Variants in HS6ST3 observed in about 807,000 individuals in gnomAD.
HS6ST3 encodes the protein heparan sulfate 6-O-sulfotransferase 3.
A neutral mutation model predicts 36.7 loss-of-function variants in HS6ST3; 12 were observed. The ratio of observed to expected loss-of-function variants is 0.33; its 90% CI spans 0.21 to 0.53. The LOEUF is 0.53. Among genes scored for constraint, HS6ST3 ranks in the 20% least tolerant of loss-of-function variants. The probability of loss-of-function intolerance (pLI) is 0.95; values close to 1 mark genes in which losing one functional copy is unlikely to be tolerated. For missense variants in HS6ST3, 584 were observed against 640.9 expected (o/e 0.91, Z 0.96); for synonymous variants, 240 against 257.5 (o/e 0.93, Z 0.65).
intron 1 of HS6ST3, among the ~76,000 whole-genome samples, chr13:96,174,010 A>G (rs1418605354): frequency 6.6e-6 from 1 of 151,484 alleles, no homozygotes; most frequent in African/African-American, 2.5e-5. Flanking sequence ...TCACCTGTTA[A>G]TACTACTTTT....
chr13:96,542,137 A>C (rs977270854), intron 1 of HS6ST3, among the ~76,000 whole-genome samples: 1 of 152,230 alleles, frequency 6.6e-6, no homozygotes, highest in Non-Finnish European at 1.5e-5. Context: ...TGTTTTAACA[A>C]TTACATAAGA....
chr13:96,284,726 T>C (rs999773606), intron 1 of HS6ST3, among the ~76,000 whole-genome samples: 1 of 152,078 alleles, frequency 6.6e-6, no homozygotes, highest in Non-Finnish European at 1.5e-5. Context: ...TTTTCTAAGG[T>C]TTTTGTAAAG....
intron 1 of HS6ST3, among the ~76,000 whole-genome samples, chr13:96,346,891 C>T (rs2055158142): frequency 1.3e-5 from 2 of 152,084 alleles, no homozygotes; most frequent in Non-Finnish European, 2.9e-5. Flanking sequence ...ATCATGACTG[C>T]TATCATGCTG....
At chr13:96,180,093 C>CTTTTAGGATG in intron 1 of HS6ST3, among the ~76,000 whole-genome samples, 1 of 152,140 alleles carries the variant, frequency 6.6e-6, no homozygotes, top group Admixed American at 6.5e-5. Context: ...CCTCAGCCTC[C>CTTTTAGGATG]CAAAGTGTTG....
At chr13:96,130,172 A>G (rs2053969001) in intron 1 of HS6ST3, among the ~76,000 whole-genome samples, 1 of 152,200 alleles carries the variant, frequency 6.6e-6, no homozygotes, top group Non-Finnish European at 1.5e-5. Context: ...AATTTATACT[A>G]GGGTTTTCAA....
chr13:96,821,995 T>C (rs797010133), intron 1 of HS6ST3, among the ~76,000 whole-genome samples: 154 of 152,376 alleles, frequency 1.0e-3, no homozygotes, highest in African/African-American at 3.1e-3. Context: ...TGGCTGGCAC[T>C]GAGCAATTAC....
chr13:96,110,537 C>T (rs867049782), intron 1 of HS6ST3, among the ~76,000 whole-genome samples: 18 of 151,474 alleles, frequency 1.2e-4, no homozygotes, highest in South Asian at 6.3e-4. Flanking sequence ...CCCAGGTTCA[C>T]ACCATTCTCC....
At chr13:96,131,482 T>C (rs2053975409) in intron 1 of HS6ST3, among the ~76,000 whole-genome samples, 2 of 152,218 alleles carry the variant, frequency 1.3e-5, no homozygotes, top group Admixed American at 1.3e-4. Context: ...TTTTGAAATA[T>C]GTATGTTGTG....
intron 1 of HS6ST3, among the ~76,000 whole-genome samples, chr13:96,312,157 C>T (rs2054944455): frequency 6.6e-6 from 1 of 152,138 alleles, no homozygotes; most frequent in African/African-American, 2.4e-5. Flanking sequence ...TTCTGCTAAG[C>T]TTCTAAATTC....
intron 1 of HS6ST3, among the ~76,000 whole-genome samples, chr13:96,634,494 C>T (rs1274178719): frequency 1.3e-5 from 2 of 152,190 alleles, no homozygotes; most frequent in Non-Finnish European, 2.9e-5. Flanking sequence ...TCAGAGAAGA[C>T]TTAGTCTCCT....
intron 1 of HS6ST3, among the ~76,000 whole-genome samples, chr13:96,368,351 T>C (rs923563656): frequency 6.6e-6 from 1 of 152,138 alleles, no homozygotes; most frequent in African/African-American, 2.4e-5. Context: ...TGTCATAGCA[T>C]GTTGTATATA....
intron 1 of HS6ST3, among the ~76,000 whole-genome samples, chr13:96,655,022 T>C (rs1435826264): frequency 6.6e-6 from 1 of 152,140 alleles, no homozygotes; most frequent in Non-Finnish European, 1.5e-5. Flanking sequence ...AGGAACTTCT[T>C]GGCTGTCTTG....
intron 1 of HS6ST3, among the ~76,000 whole-genome samples, chr13:96,341,538 T>G (rs1439003885): frequency 6.6e-6 from 1 of 152,148 alleles, no homozygotes; most frequent in East Asian, 1.9e-4. Context: ...CTTTTCAAAC[T>G]AGAATATTCT....
At chr13:96,431,947 A>G (rs924960289) in intron 1 of HS6ST3, among the ~76,000 whole-genome samples, 6 of 152,188 alleles carry the variant, frequency 3.9e-5, no homozygotes, top group Admixed American at 3.3e-4. Context: ...CACTAAAGGT[A>G]CATTCTGCTT....
intron 1 of HS6ST3, among the ~76,000 whole-genome samples, chr13:96,525,907 T>C (rs1355397975): frequency 6.6e-6 from 1 of 152,190 alleles, no homozygotes; most frequent in Non-Finnish European, 1.5e-5. Context: ...CAGCAAGATA[T>C]GCAAGTAAAA....
chr13:96,830,567 A>T (rs1315860752), intron 1 of HS6ST3, among the ~76,000 whole-genome samples: 1 of 152,198 alleles, frequency 6.6e-6, no homozygotes, highest in African/African-American at 2.4e-5. Context: ...ACTGAGTTGA[A>T]TCAAGAAAAA....
chr13:96,146,498 T>C (rs1168675357), intron 1 of HS6ST3, among the ~76,000 whole-genome samples: 6 of 152,274 alleles, frequency 3.9e-5, no homozygotes, highest in East Asian at 3.9e-4. Context: ...TTTTTGCACA[T>C]TGATTTTAAA....
intron 1 of HS6ST3, among the ~76,000 whole-genome samples, chr13:96,391,444 A>G (rs2055394803): frequency 6.6e-6 from 1 of 152,194 alleles, no homozygotes; most frequent in Non-Finnish European, 1.5e-5. Flanking sequence ...TGGGATATGC[A>G]TGTTCTCAGC....
At chr13:96,722,991 GTGT>G (rs2138470319) in intron 1 of HS6ST3, among the ~76,000 whole-genome samples, 1 of 105,686 alleles carries the variant, frequency 9.5e-6, no homozygotes, top group African/African-American at 4.6e-5. Flanking sequence ...AAATATACGT[GTGT>G]GTGTGTGTGT....
Sources: allele counts gnomAD v4.1 joint callset (sites outside exome capture counted in the v4.1 genomes callset), GRCh38; gene constraint gnomAD v4.1.1; transcripts MANE v1.5; gene names NCBI Gene and HGNC (gene_info 2026-07-23, HGNC 2026-07-21).